Variants in SNX27 observed in about 807,000 individuals in gnomAD.
SNX27 encodes the protein sorting nexin-27.
SNX27 carries 22 observed loss-of-function variants against 71.6 expected under a neutral mutation model. That is an observed-to-expected ratio of 0.31 (90% CI 0.22 to 0.44). The LOEUF is 0.44. Among genes scored for constraint, SNX27 ranks in the 20% least tolerant of loss-of-function variants. The pLI, the probability that SNX27 is intolerant of heterozygous loss-of-function variation, is 1.00. For synonymous variants in SNX27, 269 were observed against 277.2 expected, an observed-to-expected ratio of 0.97 and a Z score of 0.29; for missense variants, 531 against 698.6, an observed-to-expected ratio of 0.76 and a Z score of 2.70.
intron 4 of SNX27, chr1:151,661,107 C>T: frequency 2.4e-6 from 1 of 418,048 alleles, no homozygotes; most frequent in Non-Finnish European, 4.4e-6. Flanking sequence ...TTTTTCATTC[C>T]ACCAAAAACT....
At chr1:151,623,947 A>AT (rs1433392601) in intron 1 of SNX27, among the ~76,000 whole-genome samples, 3 of 152,118 alleles carry the variant, frequency 2.0e-5, no homozygotes, top group East Asian at 1.9e-4. Context: ...TTGTGCTTAC[A>AT]TTTTTTAAAA....
intron 5 of SNX27, among the ~76,000 whole-genome samples, chr1:151,665,587 T>G (rs1670153473): frequency 6.6e-6 from 1 of 152,200 alleles, no homozygotes; most frequent in Non-Finnish European, 1.5e-5. Context: ...GTACATTTCT[T>G]GTAAGTGGTG....
intron 1 of SNX27, among the ~76,000 whole-genome samples, chr1:151,624,593 G>A (rs982666049): frequency 4.6e-5 from 7 of 150,922 alleles, no homozygotes; most frequent in Non-Finnish European, 8.9e-5. Flanking sequence ...CAGCACGCCC[G>A]GCTAATTTCT....
At chr1:151,620,296 C>T (rs1027522966) in intron 1 of SNX27, among the ~76,000 whole-genome samples, 2 of 152,160 alleles carry the variant, frequency 1.3e-5, no homozygotes, top group Non-Finnish European at 2.9e-5. Flanking sequence ...ATACCCAGGA[C>T]TTCCTGTGAA....
chr1:151,658,262 C>T lies in SNX27; in HGVS notation c.571C>T (p.Gln191Ter). ...VVYNVYMAGR[Q>*]LCSKRYREFA... ...ATATAATGTTTACATGGCAGGGAGG[C>T]AGCTGTGTTCTAAGCGGTACCGGGA... The change falls in exon 3 of 12, where the codon CAG (glutamine) becomes TAG (stop). Residue 191 changes from glutamine (Q) to a stop codon, truncating the protein, a stop_gained. Coordinates refer to ENST00000458013, the MANE Select transcript of SNX27 (RefSeq NM_001330723.2). LOFTEE classifies it high-confidence loss of function. 6.2e-7 allele frequency: 1 copy of T among 1,611,918 alleles called. No individual in the cohort carries two copies. Among genetic ancestry groups the T allele is most frequent in the Non-Finnish European group, 8.5e-7 (1 of 1,179,276 alleles).
Position 151,668,578 on chromosome 1 carries a change from A to C in SNX27, c.1092A>C (p.Thr364=). 6.2e-7 allele frequency: 1 copy of C among 1,614,086 alleles called. No individual in the cohort carries two copies. The highest frequency in any genetic ancestry group is 8.5e-7 in the Non-Finnish European group (1 of 1,179,982). The part of the protein sequence containing the change: ...CLTIRKWLFT[T]EEEILLNDND... ...CCATTCGAAAGTGGCTTTTTACAAC[A>C]GAAGAAGAAATTCTCTTAAATGACA... The change falls in exon 7 of 12, where the codon ACA becomes ACC. Residue 364 remains threonine, a synonymous_variant. Transcript: ENST00000458013.
At chr1:151,641,691 A>T (rs940822315) in intron 2 of SNX27, among the ~76,000 whole-genome samples, 1 of 140,470 alleles carries the variant, frequency 7.1e-6, no homozygotes, top group Non-Finnish European at 1.5e-5. Context: ...TCTGATATAT[A>T]TATCATATAT....
chr1:151,681,831 A>G (rs1027974668), intron 7 of SNX27, among the ~76,000 whole-genome samples: 2 of 151,604 alleles, frequency 1.3e-5, no homozygotes, highest in African/African-American at 4.8e-5. Context: ...ATCCAGCATT[A>G]TCTTTAATTG....
At chr1:151,672,471 TG>T (rs1670487446) in intron 7 of SNX27, among the ~76,000 whole-genome samples, 2 of 152,128 alleles carry the variant, frequency 1.3e-5, no homozygotes, top group African/African-American at 4.8e-5. Flanking sequence ...GATATGTCTT[TG>T]TCTGGTTTTG....
intron 1 of SNX27, among the ~76,000 whole-genome samples, chr1:151,629,686 C>T (rs541045529): frequency 1.3e-5 from 2 of 150,068 alleles, no homozygotes; most frequent in East Asian, 2.0e-4. Context: ...TGGGTTCAAG[C>T]GATTCTCCTG....
chr1:151,646,406 T>G (rs1669033538), intron 2 of SNX27, among the ~76,000 whole-genome samples: 1 of 151,942 alleles, frequency 6.6e-6, no homozygotes, highest in Admixed American at 6.6e-5. Context: ...CTATCTATGT[T>G]GTATCATTAT....
At chr1:151,643,154 G>A (rs917811365) in intron 2 of SNX27, among the ~76,000 whole-genome samples, 76 of 150,992 alleles carry the variant, frequency 5.0e-4, no homozygotes, top group Admixed American at 8.6e-4. Context: ...AGTAGAGACA[G>A]GGTTTCTCCA....
chr1:151,691,791 G>A (rs1024783230), intron 8 of SNX27, among the ~76,000 whole-genome samples: 15 of 152,146 alleles, frequency 9.9e-5, no homozygotes, highest in South Asian at 2.1e-4. Flanking sequence ...TGGGATTACC[G>A]GCGTGAGCCA....
intron 2 of SNX27, among the ~76,000 whole-genome samples, chr1:151,641,598 G>GATATATATATATATATATGAT: frequency 1.3e-5 from 1 of 79,014 alleles, no homozygotes; most frequent in East Asian, 5.1e-4. Flanking sequence ...TCCTTTATCA[G>GATATATATATATATATATGAT]ATATATATAT....
At chr1:151,651,966 G>A (rs1476468961) in intron 2 of SNX27, among the ~76,000 whole-genome samples, 2 of 152,294 alleles carry the variant, frequency 1.3e-5, no homozygotes, top group Middle Eastern at 3.4e-3. Context: ...TGGGGAGGCC[G>A]AGGCTGGCGG....
At chr1:151,690,841 T>A (rs1219929216) in intron 8 of SNX27, among the ~76,000 whole-genome samples, 2 of 152,198 alleles carry the variant, frequency 1.3e-5, no homozygotes, top group African/African-American at 4.8e-5. Context: ...CACCTGGGAT[T>A]AAGTAATTTG....
At chr1:151,627,388 C>T (rs1667993358) in intron 1 of SNX27, among the ~76,000 whole-genome samples, 1 of 152,124 alleles carries the variant, frequency 6.6e-6, no homozygotes, top group African/African-American at 2.4e-5. Context: ...ATTGGTAGTC[C>T]CTTTTGCGTT....
At chr1:151,620,423 T>C (rs953666402) in intron 1 of SNX27, among the ~76,000 whole-genome samples, 34 of 152,212 alleles carry the variant, frequency 2.2e-4, no homozygotes, top group Non-Finnish European at 2.9e-5. Flanking sequence ...TGGACTGTCT[T>C]GTACTATATA....
At chr1:151,627,890 C>T (rs531324932) in intron 1 of SNX27, among the ~76,000 whole-genome samples, 92 of 152,090 alleles carry the variant, frequency 6.0e-4, no homozygotes, top group African/African-American at 2.2e-3. Flanking sequence ...AACCACTGAT[C>T]TTTGCCTTTT....
Sources: gnomAD v4.1 joint callset for allele counts (sites outside exome capture counted in the v4.1 genomes callset) on GRCh38, gnomAD v4.1.1 for gene constraint, MANE v1.5 for transcripts, NCBI Gene and HGNC (gene_info 2026-07-23, HGNC 2026-07-21) for gene names.